Variants in RANBP17 observed in about 807,000 individuals in gnomAD.
RANBP17 encodes RAN binding protein 17.
A neutral mutation model predicts 141.2 loss-of-function variants in RANBP17; 158 were observed. The observed-to-expected ratio is 1.12, with a 90% CI of 0.98 to 1.28. RANBP17 has a LOEUF of 1.28. RANBP17 is among the 50% of genes most tolerant of loss of function. RANBP17 has a pLI of 0.00. For missense variants in RANBP17, 1,438 were observed against 1,290.7 expected, an observed-to-expected ratio of 1.11 and a Z score of -1.75; for synonymous variants, 430 against 450.0, an observed-to-expected ratio of 0.96 and a Z score of 0.56.
intron 14 of RANBP17, among the ~76,000 whole-genome samples, chr5:171,003,602 G>A (rs1779374797): frequency 6.6e-6 from 1 of 152,184 alleles, no homozygotes; most frequent in African/African-American, 2.4e-5. Flanking sequence ...AATTAGTGTT[G>A]AAGGAGCAGG....
In RANBP17 at chr5:171,019,731, T is replaced by C. The variant is rs527938718; in HGVS notation, c.1710+51354T>C. On this transcript the variant is annotated intron_variant, in intron 14 of 27. Coordinates refer to ENST00000523189, the MANE Select transcript of RANBP17 (RefSeq NM_022897.5). Reference sequence around the variant, plus strand: ...ACCAGGTCCTGGATTCATTGATTTTTTTGGAGGGGTTTCCATGTCTTGATC... The same window carrying C: ...ACCAGGTCCTGGATTCATTGATTTTCTTGGAGGGGTTTCCATGTCTTGATC... Among the ~76,000 whole-genome samples the C allele has an allele frequency of 5.5e-4, 84 of 152,278 alleles. 1 individual carries two copies. The highest frequency in any genetic ancestry group is 5.5e-3 in the Admixed American group (84 of 15,290).
At chr5:171,043,907 G>A (rs936434038) in intron 14 of RANBP17, among the ~76,000 whole-genome samples, 2 of 152,152 alleles carry the variant, frequency 1.3e-5, no homozygotes, top group Non-Finnish European at 2.9e-5. Context: ...AACTATTAGA[G>A]ACAATCTATC....
intron 14 of RANBP17, among the ~76,000 whole-genome samples, chr5:171,098,624 A>C (rs1266271124): frequency 1.3e-5 from 2 of 152,148 alleles, no homozygotes; most frequent in Non-Finnish European, 2.9e-5. Context: ...TTTGCTGTGC[A>C]GAAGCTCTTT....
At position 170,881,908 on chromosome 5, in the gene RANBP17, A is replaced by G. The variant is rs200925739; in HGVS notation, c.256+12A>G. The G allele has an allele frequency of 7.5e-4, 1,165 of 1,563,180 alleles. 6 individuals carry two copies. The highest frequency in any genetic ancestry group is 9.6e-4 in the Non-Finnish European group (1,105 of 1,150,162). ...GAGGATGGACATCAGTAAGTGGCTT[A>G]TTATGCTTTTTAACCAACTGCGCTT... On this transcript the variant is annotated intron_variant, in intron 3 of 27. Transcript: ENST00000523189.
At chr5:170,876,870 A>G (rs867169840) in intron 1 of RANBP17, among the ~76,000 whole-genome samples, 1 of 152,124 alleles carries the variant, frequency 6.6e-6, no homozygotes, top group Admixed American at 6.5e-5. Context: ...TTTAAAAGGA[A>G]TATCCCATTG....
rs67832819 is a variant in RANBP17 at position 171,137,950 on chromosome 5, GATATAT to G, written c.1711-32164_1711-32159del. On this transcript the variant is annotated intron_variant, in intron 14 of 27. Coordinates refer to ENST00000523189, the MANE Select transcript of RANBP17 (RefSeq NM_022897.5). ...TATCTATAAGTAGTGTGATATATGA[GATATAT>G]ATATATATATATATACACACACACT... 3.5e-5 allele frequency among the ~76,000 whole-genome samples: 5 copies of G among 144,792 alleles called. No individual in the cohort carries two copies. In the Admixed American group the frequency reaches 3.5e-4, roughly 10 times the overall value. The allele number at this position is 144,792 out of a possible 152,430, so 95.0% of individuals were successfully genotyped here.
chr5:171,147,400 T>TG (rs1463999938), intron 14 of RANBP17, among the ~76,000 whole-genome samples: 4 of 68,388 alleles, frequency 5.8e-5, no homozygotes, highest in East Asian at 5.4e-4. Flanking sequence ...TTTTTTTGTG[T>TG]GTTTTTTTTT....
intron 14 of RANBP17, among the ~76,000 whole-genome samples, chr5:171,093,216 A>C (rs1041531884): frequency 5.8e-5 from 7 of 119,704 alleles, no homozygotes; most frequent in African/African-American, 2.1e-4. Flanking sequence ...GTCTCCCCCC[A>C]AAAAAAAAAA....
intron 25 of RANBP17, among the ~76,000 whole-genome samples, chr5:171,272,047 A>G (rs1310109789): frequency 6.6e-6 from 1 of 152,208 alleles, no homozygotes; most frequent in African/African-American, 2.4e-5. Context: ...TTGCAGCAAC[A>G]TGGATGGAGC....
At chr5:171,002,002 G>A (rs1779233392) in intron 14 of RANBP17, among the ~76,000 whole-genome samples, 1 of 152,096 alleles carries the variant, frequency 6.6e-6, no homozygotes. Flanking sequence ...AAATCCCCGA[G>A]TTTGACGTGT....
chr5:171,144,962 C>T (rs1367407267), intron 14 of RANBP17, among the ~76,000 whole-genome samples: 2 of 152,124 alleles, frequency 1.3e-5, no homozygotes, highest in Non-Finnish European at 2.9e-5. Flanking sequence ...GGAGAAGCAG[C>T]CTGTTGGGAG....
Position 171,193,973 on chromosome 5 carries a change from C to G in RANBP17, c.2039-5697C>G, listed in dbSNP as rs529762092. On this transcript the variant is annotated intron_variant, in intron 18 of 27. Coordinates refer to ENST00000523189, the MANE Select transcript of RANBP17 (RefSeq NM_022897.5). Reference sequence around the variant, plus strand: ...TGCCATATTGATTTATCACAATTGCCAAAGTGTTTCACACAGTACTTATAC... The same window carrying G: ...TGCCATATTGATTTATCACAATTGCGAAAGTGTTTCACACAGTACTTATAC... Among the ~76,000 whole-genome samples, 12 of 152,294 alleles carry G rather than the reference C, an allele frequency of 7.9e-5. No homozygotes were observed. The South Asian group carries it at 2.3e-3, about 29-fold the overall frequency.
At position 171,241,154 on chromosome 5, in the gene RANBP17, T is replaced by C. The variant is rs1357368849; in HGVS notation, c.2637+12T>C. On this transcript the variant is annotated intron_variant, in intron 23 of 27. Coordinates refer to ENST00000523189, the MANE Select transcript of RANBP17 (RefSeq NM_022897.5). ...ACAGTGACTTGCTAGTAAGCAATCA[T>C]GCATCATGGGAGTGTTTGTATGAAA... The C allele has an allele frequency of 6.3e-7, 1 of 1,596,958 alleles. No individual in the cohort carries two copies. The highest frequency in any genetic ancestry group is 1.7e-5 in the Admixed American group (1 of 59,876).
intron 20 of RANBP17, among the ~76,000 whole-genome samples, chr5:171,210,073 A>G (rs1022512145): frequency 1.2e-4 from 18 of 152,148 alleles, no homozygotes; most frequent in Admixed American, 5.2e-4. Context: ...TTGATTTTTA[A>G]TTTATCTGAT....
At chr5:171,212,474 T>G (rs1762959876) in intron 20 of RANBP17, among the ~76,000 whole-genome samples, 1 of 152,088 alleles carries the variant, frequency 6.6e-6, no homozygotes, top group African/African-American at 2.4e-5. Context: ...GCATTAGTGG[T>G]TTTGCAGGGA....
intron 14 of RANBP17, among the ~76,000 whole-genome samples, chr5:171,026,285 A>C (rs1424139544): frequency 6.6e-6 from 1 of 152,160 alleles, no homozygotes; most frequent in Non-Finnish European, 1.5e-5. Context: ...AGTTAATTTT[A>C]TTCCCATTTT....
chr5:171,278,095 G>A (rs755356315), intron 25 of RANBP17, among the ~76,000 whole-genome samples: 1 of 151,782 alleles, frequency 6.6e-6, no homozygotes, highest in Non-Finnish European at 1.5e-5. Context: ...AGTGGCTCAT[G>A]CCTGTAATCT....
At chr5:170,903,685 C>T in intron 5 of RANBP17, 1 of 301,444 alleles carries the variant, frequency 3.3e-6, no homozygotes, top group Admixed American at 3.8e-5. Flanking sequence ...CTGTGTGTTG[C>T]CCATTGACAG....
intron 14 of RANBP17, among the ~76,000 whole-genome samples, chr5:171,000,447 T>C (rs1240682555): frequency 1.3e-5 from 2 of 152,204 alleles, no homozygotes; most frequent in African/African-American, 4.8e-5. Context: ...ATAAATTCTG[T>C]TTACAAAAAA....
Sources: allele counts gnomAD v4.1 joint callset (sites outside exome capture counted in the v4.1 genomes callset), GRCh38; gene constraint gnomAD v4.1.1; transcripts MANE v1.5; gene names NCBI Gene and HGNC (gene_info 2026-07-23, HGNC 2026-07-21).